Variants in PPFIBP1 observed in about 807,000 individuals in gnomAD.
PPFIBP1 encodes the protein liprin-beta-1.
A neutral mutation model predicts 137.8 loss-of-function variants in PPFIBP1; 112 were observed. The ratio of observed to expected loss-of-function variants is 0.81; its 90% CI spans 0.70 to 0.95. PPFIBP1 has a LOEUF of 0.95. PPFIBP1 is among the 40% of genes least tolerant of loss of function. The probability of loss-of-function intolerance (pLI) is 0.00; values close to 1 mark genes in which losing one functional copy is unlikely to be tolerated. For synonymous variants in PPFIBP1, 378 were observed against 417.3 expected, an observed-to-expected ratio of 0.91 and a Z score of 1.15; for missense variants, 1,083 against 1,196.6, an observed-to-expected ratio of 0.91 and a Z score of 1.40.
chr12:27,630,044 A>G (rs2057151521), intron 2 of PPFIBP1, among the ~76,000 whole-genome samples: 1 of 152,166 alleles, frequency 6.6e-6, no homozygotes, highest in South Asian at 2.1e-4. Context: ...ATTGAATTTG[A>G]TCAAGATGGT....
chr12:27,656,782 A>C (rs746875273), intron 9 of PPFIBP1, 52 bp downstream of exon 9: 1 of 1,235,134 alleles, frequency 8.1e-7, no homozygotes, highest in Non-Finnish European at 1.2e-6. Context: ...AGTCCTCCAA[A>C]ATCTGTAAAG....
At position 27,688,362 on chromosome 12, in the gene PPFIBP1, C is replaced by G; in HGVS notation, c.2435C>G (p.Ser812Cys). The change falls in exon 26 of 30, where the codon TCC becomes TGC. Residue 812 changes from serine to cysteine, a missense_variant. Coordinates refer to ENST00000228425, the MANE Select transcript of PPFIBP1 (RefSeq NM_003622.4). ...CATCGAGTGATGGAGTGGCTGCGCT[C>G]CGTGGACTTGGCAGAATATGCGCCC... The part of the protein sequence containing the change: ...TNHRVMEWLR[S>C]VDLAEYAPNL... The G allele has an allele frequency of 6.2e-7, 1 of 1,614,156 alleles. No individual in the cohort carries two copies. The highest frequency in any genetic ancestry group is 8.5e-7 in the Non-Finnish European group (1 of 1,180,008).
At chr12:27,673,919 T>C (rs909602483) in intron 16 of PPFIBP1, 92 bp downstream of exon 16, 7 of 1,124,730 alleles carry the variant, frequency 6.2e-6, no homozygotes, top group East Asian at 2.4e-5. Context: ...CAAATAAAAC[T>C]CTTATGAAGA....
At chr12:27,568,657 C>T (rs540983233) in intron 1 of PPFIBP1, among the ~76,000 whole-genome samples, 7 of 152,196 alleles carry the variant, frequency 4.6e-5, no homozygotes, top group Middle Eastern at 3.2e-3. Flanking sequence ...TCCCAGACTT[C>T]TCCCGTCTTC....
intron 1 of PPFIBP1, among the ~76,000 whole-genome samples, chr12:27,537,596 T>G (rs1945191217): frequency 6.6e-6 from 1 of 152,072 alleles, no homozygotes; most frequent in East Asian, 1.9e-4. Context: ...GGAGACAGGG[T>G]TGGTTTGGCC....
chr12:27,654,596 A>C, intron 7 of PPFIBP1, 126 bp from the exon 8 acceptor site: 3 of 1,223,422 alleles, frequency 2.5e-6, no homozygotes, highest in Non-Finnish European at 3.2e-6. Context: ...CATTTGTCTC[A>C]TCTGATTCAT....
At chr12:27,541,175 G>A (rs1945612892) in intron 1 of PPFIBP1, among the ~76,000 whole-genome samples, 1 of 152,004 alleles carries the variant, frequency 6.6e-6, no homozygotes, top group Non-Finnish European at 1.5e-5. Flanking sequence ...AGGGTTTCCT[G>A]ATGAGGATAA....
intron 5 of PPFIBP1, 112 bp downstream of exon 5, chr12:27,646,260 C>T: frequency 1.2e-6 from 1 of 809,946 alleles, no homozygotes. Flanking sequence ...TAGAAATAAG[C>T]CTGATAAGCC....
chr12:27,599,187 T>C (rs191034849), intron 2 of PPFIBP1, among the ~76,000 whole-genome samples: 1 of 152,230 alleles, frequency 6.6e-6, no homozygotes, highest in African/African-American at 2.4e-5. Context: ...GGAGGTGTCC[T>C]TGAGGGTATT....
At chr12:27,657,634 C>T (rs972586960) in intron 9 of PPFIBP1, among the ~76,000 whole-genome samples, 2 of 151,970 alleles carry the variant, frequency 1.3e-5, no homozygotes, top group African/African-American at 4.8e-5. Flanking sequence ...TGGCCTTATA[C>T]CCCTGCAGGT....
intron 2 of PPFIBP1, among the ~76,000 whole-genome samples, chr12:27,583,412 A>T (rs1437816922): frequency 6.6e-6 from 1 of 152,220 alleles, no homozygotes; most frequent in Non-Finnish European, 1.5e-5. Context: ...TGTGAATTCT[A>T]AGGCATTTTC....
intron 16 of PPFIBP1, 49 bp from the exon 17 acceptor site, chr12:27,674,143 T>C (rs1300668946): frequency 3.5e-6 from 5 of 1,439,102 alleles, no homozygotes; most frequent in Non-Finnish European, 4.8e-6. Context: ...TTCAGAATTA[T>C]ACAAAGGATT....
Position 27,672,410 on chromosome 12 carries a change from T to C in PPFIBP1, c.1263-17T>C, listed in dbSNP as rs1320027683. ...ATTCGTGAAGTTAATAAATACCTTT[T>C]GTTCTTTACATTTTAGTGATGGAAA... On this transcript the variant is annotated splice_polypyrimidine_tract_variant and intron_variant, in intron 14 of 29. Coordinates refer to ENST00000228425, the MANE Select transcript of PPFIBP1 (RefSeq NM_003622.4). The C allele has an allele frequency of 1.3e-6, 2 of 1,594,210 alleles. No homozygotes were observed. Among genetic ancestry groups the C allele is most frequent in the East Asian group, 4.5e-5 (2 of 44,714 alleles).
intron 1 of PPFIBP1, among the ~76,000 whole-genome samples, chr12:27,553,811 A>T (rs923934986): frequency 6.6e-6 from 1 of 152,176 alleles, no homozygotes; most frequent in Admixed American, 6.5e-5. Context: ...GCAGCCAACG[A>T]TCAAATGGTT....
intron 1 of PPFIBP1, among the ~76,000 whole-genome samples, chr12:27,561,762 T>C (rs79986763): frequency 1.3e-5 from 2 of 152,244 alleles, no homozygotes; most frequent in East Asian, 3.9e-4. Flanking sequence ...TCTCTCTGCT[T>C]GGGATGCTTT....
At chr12:27,593,882 A>C (rs2052850268) in intron 2 of PPFIBP1, 2 of 1,474,816 alleles carry the variant, frequency 1.4e-6, no homozygotes, top group African/African-American at 1.4e-5. Context: ...GGGAGGGAGA[A>C]AGTGGATGGA....
chr12:27,578,674 A>ATT (rs2050785117), intron 2 of PPFIBP1, among the ~76,000 whole-genome samples: 1 of 152,184 alleles, frequency 6.6e-6, no homozygotes, highest in Admixed American at 6.5e-5. Flanking sequence ...TCACAGGCAT[A>ATT]TTTACCCACT....
intron 13 of PPFIBP1, among the ~76,000 whole-genome samples, chr12:27,671,136 C>CA (rs988952933): frequency 7.3e-5 from 11 of 149,906 alleles, no homozygotes; most frequent in South Asian, 2.1e-4. Context: ...GACGCCGTCT[C>CA]AAAAAAAAGA....
At chr12:27,545,646 A>G (rs563647469) in intron 1 of PPFIBP1, among the ~76,000 whole-genome samples, 12 of 152,364 alleles carry the variant, frequency 7.9e-5, no homozygotes, top group African/African-American at 2.6e-4. Context: ...TTCCTGAAGC[A>G]TAGAAATCTC....
Sources: gnomAD v4.1 joint callset for allele counts (sites outside exome capture counted in the v4.1 genomes callset) on GRCh38, gnomAD v4.1.1 for gene constraint, MANE v1.5 for transcripts, NCBI Gene and HGNC (gene_info 2026-07-23, HGNC 2026-07-21) for gene names.